The following ATP6V0A4 variants were observed in gnomAD, a reference collection of about 807,000 sequenced individuals.
ATP6V0A4 encodes V-type proton ATPase 116 kDa subunit a 4.
ATP6V0A4 carries 86 observed loss-of-function variants against 107.3 expected under a neutral mutation model. The ratio of observed to expected loss-of-function variants is 0.80; its 90% CI spans 0.67 to 0.96. ATP6V0A4 has a LOEUF of 0.96. Among genes scored for constraint, ATP6V0A4 ranks in the 40% least tolerant of loss-of-function variants. ATP6V0A4 has a pLI of 0.00. For missense variants in ATP6V0A4, 908 were observed against 1,045.6 expected (o/e 0.87, Z 1.81); for synonymous variants, 353 against 381.4 (o/e 0.93, Z 0.87).
chr7:138,733,572 CTTTTTTTTTTTT>C (rs3080537), intron 16 of ATP6V0A4, among the ~76,000 whole-genome samples: 3 of 87,076 alleles, frequency 3.4e-5, no homozygotes, highest in Non-Finnish European at 4.4e-5. Flanking sequence ...AATGGTTTCT[CTTTTTTTTTTTT>C]TTTTTTTTTT....
At chr7:138,768,909 G>A in intron 4 of ATP6V0A4, 35 bp from the exon 5 acceptor site, 1 of 1,613,014 alleles carries the variant, frequency 6.2e-7, no homozygotes, top group Non-Finnish European at 8.5e-7. Context: ...ACCCCAAGGT[G>A]ATTGTGTTTT....
At chr7:138,743,574 G>C (rs562415762) in intron 14 of ATP6V0A4, among the ~76,000 whole-genome samples, 5 of 152,098 alleles carry the variant, frequency 3.3e-5, no homozygotes, top group Non-Finnish European at 7.4e-5. Flanking sequence ...CATTTATGAC[G>C]TTCACCACAG....
intron 1 of ATP6V0A4, among the ~76,000 whole-genome samples, chr7:138,795,427 A>G (rs1308741153): frequency 1.3e-5 from 2 of 152,134 alleles, no homozygotes; most frequent in East Asian, 3.9e-4. Context: ...ATGCTGTTCA[A>G]TCCACCACTA....
intron 4 of ATP6V0A4, 132 bp downstream of exon 4, chr7:138,769,041 G>C: frequency 6.4e-7 from 1 of 1,566,222 alleles, no homozygotes; most frequent in Non-Finnish European, 8.7e-7. Flanking sequence ...ATTCCCTCCA[G>C]GTGGGCCTCT....
At chr7:138,755,563 A>C (rs1474334106) in intron 10 of ATP6V0A4, 126 bp downstream of exon 10, 1 of 1,290,028 alleles carries the variant, frequency 7.8e-7, no homozygotes, top group African/African-American at 1.5e-5. Context: ...CCACAACCAG[A>C]AAGGCATAGC....
At chr7:138,763,520 C>G (rs1335299365) in intron 5 of ATP6V0A4, among the ~76,000 whole-genome samples, 1 of 151,984 alleles carries the variant, frequency 6.6e-6, no homozygotes, top group Non-Finnish European at 1.5e-5. Context: ...CCCAGCTACC[C>G]AGGAGGCCGA....
intron 19 of ATP6V0A4, among the ~76,000 whole-genome samples, chr7:138,716,582 G>GA: frequency 1.1e-5 from 1 of 93,274 alleles, no homozygotes; most frequent in East Asian, 2.9e-4. Flanking sequence ...TTTTGGGGGG[G>GA]GGGGAGGGTC....
intron 17 of ATP6V0A4, 32 bp downstream of exon 17, chr7:138,732,844 AG>A: frequency 6.7e-7 from 1 of 1,486,062 alleles, no homozygotes; most frequent in East Asian, 2.6e-5. Context: ...AGTAAATAAA[AG>A]AAGAGTAAAA....
intron 19 of ATP6V0A4, among the ~76,000 whole-genome samples, chr7:138,716,579 G>GC (rs1308758728): frequency 7.4e-6 from 1 of 135,256 alleles, no homozygotes; most frequent in African/African-American, 2.6e-5. Flanking sequence ...TTTTTTTGGG[G>GC]GGGGGGGAGG....
intron 14 of ATP6V0A4, among the ~76,000 whole-genome samples, chr7:138,744,238 C>CTTT (rs71169054): frequency 1.6e-5 from 2 of 128,840 alleles, no homozygotes; most frequent in African/African-American, 5.8e-5. Context: ...TCCTCATCTG[C>CTTT]TTTTTTTTTT....
At position 138,745,191 on chromosome 7, in the gene ATP6V0A4, G is replaced by C. The variant is rs1215678363; in HGVS notation, c.1410C>G (p.Phe470Leu). 1 of 1,614,222 alleles carries C rather than the reference G, an allele frequency of 6.2e-7. No individual in the cohort carries two copies. Among genetic ancestry groups the C allele is most frequent in the East Asian group, 2.2e-5 (1 of 44,882 alleles). The change falls in exon 14 of 22, where the codon TTC becomes TTG. Residue 470 changes from phenylalanine to leucine, a missense_variant. By Grantham distance (22) the Phe-to-Leu change is conservative. Coordinates refer to ENST00000310018, the MANE Select transcript of ATP6V0A4 (RefSeq NM_020632.3). ...IYTGLIYNDC[F>L]SKSLNIFGSS... ...AGCCAAAGATGTTCAAGGACTTGGA[G>C]AAGCAGTCATTGTAGATCAAACCCG...
intron 1 of ATP6V0A4, among the ~76,000 whole-genome samples, chr7:138,788,420 C>T (rs956085945): frequency 1.3e-5 from 2 of 152,130 alleles, no homozygotes; most frequent in Non-Finnish European, 2.9e-5. Context: ...TTAAAATGCC[C>T]TTACTTGTTT....
At chr7:138,754,699 T>C (rs1806420542) in intron 10 of ATP6V0A4, among the ~76,000 whole-genome samples, 1 of 152,024 alleles carries the variant, frequency 6.6e-6, no homozygotes, top group Non-Finnish European at 1.5e-5. Context: ...CTCGGCTCCC[T>C]GAAACCTTTG....
intron 8 of ATP6V0A4, among the ~76,000 whole-genome samples, chr7:138,758,542 G>A (rs1014953339): frequency 6.6e-6 from 1 of 152,074 alleles, no homozygotes; most frequent in African/African-American, 2.4e-5. Context: ...AGGGTAAGTG[G>A]ATTAAATACA....
chr7:138,754,325 G>A (rs1293275103), intron 10 of ATP6V0A4, among the ~76,000 whole-genome samples: 8 of 151,632 alleles, frequency 5.3e-5, no homozygotes, highest in African/African-American at 1.9e-4. Flanking sequence ...GCGCATGCCT[G>A]TAATCCCAGC....
At chr7:138,794,717 C>T (rs1056479095) in intron 1 of ATP6V0A4, among the ~76,000 whole-genome samples, 4 of 151,712 alleles carry the variant, frequency 2.6e-5, no homozygotes, top group African/African-American at 4.8e-5. Flanking sequence ...TCCTGATATG[C>T]GCTCCAAAGT....
intron 5 of ATP6V0A4, among the ~76,000 whole-genome samples, chr7:138,763,354 G>A (rs2117317901): frequency 6.6e-6 from 1 of 152,334 alleles, no homozygotes; most frequent in East Asian, 1.9e-4. Context: ...CAGGCTGGGT[G>A]CGGTGGCTCA....
Position 138,734,236 on chromosome 7 carries a change from T to C in ATP6V0A4, c.1591A>G (p.Asn531Asp). 1 of 1,613,586 alleles carries C rather than the reference T, an allele frequency of 6.2e-7. No homozygotes were observed. Among genetic ancestry groups the C allele is most frequent in the South Asian group, 1.1e-5 (1 of 91,066 alleles). Residue 531 changes from asparagine (N) to aspartate (D), a missense_variant, in exon 16 of 22, where the codon AAC becomes GAC. Physicochemically the swap from Asn to Asp is conservative, Grantham distance 23. Transcript: ENST00000310018. ...TACGAGTTCAGAAATGTGAGTTTGT[T>C]TGAAGCCAAGTTCCAAATCTGGATG... ...GIDPIWNLAS[N>D]KLTFLNSYKM...
intron 20 of ATP6V0A4, among the ~76,000 whole-genome samples, chr7:138,712,587 C>T (rs185220253): frequency 6.6e-6 from 1 of 152,242 alleles, no homozygotes; most frequent in Non-Finnish European, 1.5e-5. Context: ...GAATTTAAGT[C>T]AGTGTTTTAA....
Sources: allele counts gnomAD v4.1 joint callset (sites outside exome capture counted in the v4.1 genomes callset), GRCh38; gene constraint gnomAD v4.1.1; transcripts MANE v1.5; gene names NCBI Gene and HGNC (gene_info 2026-07-23, HGNC 2026-07-21).